Variants in BLVRA observed in about 807,000 individuals in gnomAD.
BLVRA encodes BVR A.
BLVRA carries 22 observed loss-of-function variants against 32.8 expected under a neutral mutation model. The observed-to-expected ratio is 0.67, with a 90% CI of 0.48 to 0.96. BLVRA has a LOEUF of 0.96. BLVRA is among the 40% of genes least tolerant of loss of function. The pLI is 0.00. For missense variants in BLVRA, 323 were observed against 358.1 expected, an observed-to-expected ratio of 0.90 and a Z score of 0.79; for synonymous variants, 119 against 141.3, an observed-to-expected ratio of 0.84 and a Z score of 1.12.
In BLVRA at chr7:43,807,280, G is replaced by T. The variant is rs572427416; in HGVS notation, c.*45G>T. On this transcript the variant is annotated 3_prime_UTR_variant, in exon 8 of 8. Transcript: ENST00000265523. ...ACTTCCAAGATGGCACCAGCATTTG[G>T]TTCTTCTCAAGAGTTGACCATTATC... 6.3e-7 allele frequency: 1 copy of T among 1,599,410 alleles called. No individual in the cohort carries two copies. The highest frequency in any genetic ancestry group is 8.5e-7 in the Non-Finnish European group (1 of 1,179,460).
chr7:43,783,913 G>A (rs1194977928), intron 2 of BLVRA, among the ~76,000 whole-genome samples: 1 of 152,090 alleles, frequency 6.6e-6, no homozygotes, highest in East Asian at 1.9e-4. Context: ...TCACCTTGAA[G>A]TTTTTCTACA....
At chr7:43,767,657 G>A (rs946536714) in intron 1 of BLVRA, 2 of 683,054 alleles carry the variant, frequency 2.9e-6, no homozygotes, top group Admixed American at 3.9e-5. Flanking sequence ...AAATGCTGGA[G>A]GGGGGACATC....
chr7:43,801,097 T>C (rs1357418003), intron 6 of BLVRA, among the ~76,000 whole-genome samples: 1 of 152,108 alleles, frequency 6.6e-6, no homozygotes, highest in Non-Finnish European at 1.5e-5. Context: ...CCTCCCAGGC[T>C]CAAGCAGTCC....
intron 7 of BLVRA, among the ~76,000 whole-genome samples, chr7:43,805,559 AC>A (rs1488054936): frequency 6.6e-6 from 1 of 152,058 alleles, no homozygotes; most frequent in Non-Finnish European, 1.5e-5. Context: ...CTGAGATTAC[AC>A]GCATGAGCCA....
chr7:43,780,898 A>G (rs2095768388), intron 2 of BLVRA, among the ~76,000 whole-genome samples: 1 of 152,214 alleles, frequency 6.6e-6, no homozygotes, highest in Non-Finnish European at 1.5e-5. Context: ...TGTAATCCCA[A>G]AACTTTGGGA....
At chr7:43,758,547 G>GA (rs1367313148), upstream of BLVRA, 1 of 153,658 alleles carries the variant, frequency 6.5e-6, no homozygotes, top group Non-Finnish European at 1.4e-5. Flanking sequence ...GCGACCGCAC[G>GA]AGGCCGGGAC....
At chr7:43,773,825 A>G (rs1249163037) in intron 2 of BLVRA, among the ~76,000 whole-genome samples, 2 of 152,042 alleles carry the variant, frequency 1.3e-5, no homozygotes, top group African/African-American at 2.4e-5. Context: ...TTTAATGATC[A>G]CCATTCTAAC....
chr7:43,780,654 A>G (rs1400157085), intron 2 of BLVRA, among the ~76,000 whole-genome samples: 1 of 152,154 alleles, frequency 6.6e-6, no homozygotes, highest in East Asian at 1.9e-4. Flanking sequence ...GGGACGGTCC[A>G]CACACCCAGT....
chr7:43,798,422 A>G (rs1324752599), intron 5 of BLVRA, among the ~76,000 whole-genome samples: 1 of 152,076 alleles, frequency 6.6e-6, no homozygotes, highest in Non-Finnish European at 1.5e-5. Flanking sequence ...TTCTCATCAC[A>G]CTGTCTGATA....
At chr7:43,804,549 A>C (rs183400619) in intron 7 of BLVRA, among the ~76,000 whole-genome samples, 3 of 152,348 alleles carry the variant, frequency 2.0e-5, no homozygotes, top group African/African-American at 7.2e-5. Context: ...AGAATTTTTA[A>C]GTAAACACCC....
Position 43,806,988 on chromosome 7 carries a change from G to A in BLVRA, c.644G>A (p.Trp215Ter). The change falls in exon 8 of 8, where the codon TGG becomes TAG. Residue 215 changes from tryptophan (W) to a stop codon, truncating the protein, a stop_gained. Transcript: ENST00000265523. LOFTEE classifies it high-confidence loss of function. The part of the protein sequence containing the change: ...LETEKKSPLS[W>*]IEEKGPGLKR... ...TTTTGTCTTTGCAGTCCACTGTCAT[G>A]GATTGAAGAAAAAGGACCTGGTCTA... 6.2e-7 allele frequency: 1 copy of A among 1,614,008 alleles called. No individual in the cohort carries two copies. The highest frequency in any genetic ancestry group is 8.5e-7 in the Non-Finnish European group (1 of 1,179,996).
intron 1 of BLVRA, among the ~76,000 whole-genome samples, chr7:43,767,107 T>C (rs2095749104): frequency 1.3e-5 from 2 of 152,262 alleles, no homozygotes; most frequent in South Asian, 2.1e-4. Context: ...TATGCATCTC[T>C]CCACATCCTT....
intron 2 of BLVRA, among the ~76,000 whole-genome samples, chr7:43,779,421 G>A (rs575285428): frequency 5.0e-4 from 76 of 152,238 alleles, no homozygotes; most frequent in African/African-American, 1.7e-3. Flanking sequence ...ATTATATACC[G>A]AAATGAGTCT....
Position 43,779,011 on chromosome 7 carries a change from C to T in BLVRA, c.12+7841C>T, listed in dbSNP as rs138692487. On this transcript the variant is annotated intron_variant, in intron 2 of 7. Coordinates refer to ENST00000265523, the MANE Select transcript of BLVRA (RefSeq NM_000712.4). ...CTGTTTTTTAAGCCTGTTGGAAAAG[C>T]GCAGTATTAGGGTGGGAGTGACCCA... Among the ~76,000 whole-genome samples, 10 of 152,358 alleles carry T rather than the reference C, an allele frequency of 6.6e-5. No homozygotes were observed. In the East Asian group the frequency reaches 7.7e-4, roughly 12 times the overall value.
chr7:43,783,281 C>T (rs192734347), intron 2 of BLVRA, among the ~76,000 whole-genome samples: 2 of 152,304 alleles, frequency 1.3e-5, no homozygotes, highest in Non-Finnish European at 2.9e-5. Flanking sequence ...AAGAGCATGT[C>T]GCCAGTTTCA....
In BLVRA at chr7:43,767,313, G is replaced by A. The variant is rs553489160; in HGVS notation, c.-21-3825G>A. ...CTGTGGAGCACCCAGATAAAGTGGC[G>A]CTGAACGCACTGCAGCCTCCTAAGT... On this transcript the variant is annotated intron_variant, in intron 1 of 7. Coordinates refer to ENST00000265523, the MANE Select transcript of BLVRA (RefSeq NM_000712.4). The A allele has an allele frequency of 7.5e-5, 104 of 1,386,116 alleles. No individual in the cohort carries two copies. The South Asian group carries it at 8.4e-4, about 11-fold the overall frequency. 85.9% of individuals were successfully genotyped at this position (1,386,116 alleles called of 1,614,324 possible). A position where few individuals can be genotyped will look rare whatever the true frequency, so the allele number is the denominator to read the frequency against.
At chr7:43,763,244 G>A (rs2095744346) in intron 1 of BLVRA, among the ~76,000 whole-genome samples, 1 of 152,140 alleles carries the variant, frequency 6.6e-6, no homozygotes, top group Admixed American at 6.5e-5. Flanking sequence ...ACTGCTGGAG[G>A]AGCCACTCCC....
At position 43,768,457 on chromosome 7, in the gene BLVRA, G is replaced by A. The variant is rs569160666; in HGVS notation, c.-21-2681G>A. 7.2e-5 allele frequency among the ~76,000 whole-genome samples: 11 copies of A among 152,260 alleles called. No individual in the cohort carries two copies. In the South Asian group the frequency reaches 1.9e-3, roughly 26 times the overall value. Reference sequence around the variant, plus strand: ...AGTCTGGAAATTGCAGGGCAGTGCCGCAGTGCCTTGGCTGTGAAGCAGGGT... The same window carrying A: ...AGTCTGGAAATTGCAGGGCAGTGCCACAGTGCCTTGGCTGTGAAGCAGGGT... On this transcript the variant is annotated intron_variant, in intron 1 of 7. Transcript: ENST00000265523.
At chr7:43,799,851 C>G (rs2095796769) in intron 5 of BLVRA, among the ~76,000 whole-genome samples, 1 of 152,230 alleles carries the variant, frequency 6.6e-6, no homozygotes, top group South Asian at 2.1e-4. Flanking sequence ...TCCTGGCCCA[C>G]AGACACATCC....
Sources: allele counts gnomAD v4.1 joint callset (sites outside exome capture counted in the v4.1 genomes callset), GRCh38; gene constraint gnomAD v4.1.1; transcripts MANE v1.5; gene names NCBI Gene and HGNC (gene_info 2026-07-23, HGNC 2026-07-21).